The following VPS37A variants were observed in gnomAD, a reference collection of about 807,000 sequenced individuals.
The protein encoded by VPS37A is vacuolar protein sorting-associated protein 37A.
Under a neutral mutation model 49.8 loss-of-function variants are expected in VPS37A, and 30 were observed. The observed-to-expected ratio is 0.60, with a 90% CI of 0.45 to 0.82. The LOEUF (loss-of-function observed/expected upper bound fraction) is 0.82. Among genes scored for constraint, VPS37A ranks in the 40% least tolerant of loss-of-function variants. VPS37A has a pLI of 0.00. For missense variants in VPS37A, 593 were observed against 464.4 expected, an observed-to-expected ratio of 1.28 and a Z score of -2.55; for synonymous variants, 195 against 160.6, an observed-to-expected ratio of 1.21 and a Z score of -1.62.
chr8:17,247,613 G>GAC (rs1563226523), intron 1 of VPS37A: 10 of 706,402 alleles, frequency 1.4e-5, no homozygotes, highest in Non-Finnish European at 2.6e-6. Flanking sequence ...CATCCCTCCT[G>GAC]ACACATAGCT....
chr8:17,251,237 C>G (rs1183188116), intron 1 of VPS37A, among the ~76,000 whole-genome samples: 3 of 152,118 alleles, frequency 2.0e-5, no homozygotes, highest in African/African-American at 7.2e-5. Flanking sequence ...GAGGGGAAGT[C>G]TGCTGGGGAG....
chr8:17,274,747 C>T lies in VPS37A; in HGVS notation c.431C>T (p.Pro144Leu), dbSNP rs1814346295. 6.2e-7 allele frequency: 1 copy of T among 1,613,616 alleles called. No homozygotes were observed. The highest frequency in any genetic ancestry group is 1.7e-5 in the Admixed American group (1 of 59,984). The part of the protein sequence containing the change: ...STAFPYLYSN[P>L]SGMSPYASQG... ...TTTCTTTTCAGTCTATACAGTAACC[C>T]AAGTGGGATGTCTCCTTATGCTTCT... The change falls in exon 5 of 12, where the codon CCA (proline) becomes CTA (leucine). Residue 144 changes from proline (P) to leucine (L), a missense_variant. Pro to Leu is a moderately conservative substitution (Grantham distance 98). Coordinates refer to ENST00000324849, the MANE Select transcript of VPS37A (RefSeq NM_152415.3).
At chr8:17,307,441 CTG>C in the VPS37A span, among the ~76,000 whole-genome samples, 1 of 152,094 alleles carries the variant, frequency 6.6e-6, no homozygotes, top group Non-Finnish European at 1.5e-5. Context: ...GTTGGTGGGA[CTG>C]TAAACTAGTT....
At chr8:17,311,387 T>C in the VPS37A span, 4 of 1,274,740 alleles carry the variant, frequency 3.1e-6, no homozygotes, top group Non-Finnish European at 4.4e-6. Context: ...CCCTTTAATC[T>C]TGCTGAGCTA....
At chr8:17,260,338 A>G (rs901415234) in intron 1 of VPS37A, among the ~76,000 whole-genome samples, 1 of 152,200 alleles carries the variant, frequency 6.6e-6, no homozygotes, top group Non-Finnish European at 1.5e-5. Flanking sequence ...AAAAATATTT[A>G]TGCCTTAATT....
chr8:17,290,556 A>T (rs1816045962), intron 11 of VPS37A, among the ~76,000 whole-genome samples: 1 of 152,122 alleles, frequency 6.6e-6, no homozygotes, highest in Non-Finnish European at 1.5e-5. Flanking sequence ...TAAGCTTTTT[A>T]ATGCGCTGCT....
chr8:17,264,667 A>T (rs1813281228), intron 1 of VPS37A, among the ~76,000 whole-genome samples: 1 of 152,306 alleles, frequency 6.6e-6, no homozygotes, highest in Non-Finnish European at 1.5e-5. Flanking sequence ...GAGGTTTTAT[A>T]AAGCTGTTAG....
At chr8:17,304,375 A>G (rs771293102), downstream of VPS37A, 2 of 1,610,124 alleles carry the variant, frequency 1.2e-6, no homozygotes, top group South Asian at 2.2e-5. Context: ...AAGGATTTAC[A>G]TACTTGTACA....
intron 1 of VPS37A, among the ~76,000 whole-genome samples, chr8:17,257,194 G>A (rs527480700): frequency 3.3e-5 from 5 of 151,978 alleles, no homozygotes; most frequent in Non-Finnish European, 5.9e-5. Context: ...TCCTTTCTCC[G>A]TTGTATGTTC....
intron 1 of VPS37A, among the ~76,000 whole-genome samples, chr8:17,262,548 T>C (rs1033162773): frequency 3.3e-5 from 5 of 151,392 alleles, no homozygotes; most frequent in Admixed American, 6.6e-5. Context: ...TCTCTTGTGG[T>C]GTGATTAAAA....
Position 17,274,947 on chromosome 8 carries a change from G to A in VPS37A, c.631G>A (p.Ala211Thr). ...NLPLPIPTVD[A>T]SIPTSQNGFG... ...GCCATTACCCATTCCCACAGTGGAT[G>A]CTTCAATACCGGTTGGTATCGTCAG... The change falls in exon 5 of 12, where the codon GCT becomes ACT. Residue 211 changes from alanine to threonine, a missense_variant. Coordinates refer to ENST00000324849, the MANE Select transcript of VPS37A (RefSeq NM_152415.3). 3.7e-6 allele frequency: 6 copies of A among 1,614,012 alleles called. No homozygotes were observed. Among genetic ancestry groups the A allele is most frequent in the Non-Finnish European group, 5.1e-6 (6 of 1,179,906 alleles).
rs374763959 is a variant in VPS37A at position 17,267,127 on chromosome 8, T to C, written c.201-1131T>C. On this transcript the variant is annotated intron_variant, in intron 2 of 11. Transcript: ENST00000324849. ...ACAGAAACACGGTTAGTAAGTAGCA[T>C]AGTCAAGATACAAACTGGGCTCCAA... is the stretch of plus-strand genomic sequence containing the variant. 2.1e-4 allele frequency among the ~76,000 whole-genome samples: 32 copies of C among 152,288 alleles called. No individual in the cohort carries two copies. The South Asian group carries it at 6.2e-3, about 30-fold the overall frequency.
intron 1 of VPS37A, among the ~76,000 whole-genome samples, chr8:17,250,843 T>C (rs1211901376): frequency 6.6e-6 from 1 of 152,184 alleles, no homozygotes; most frequent in African/African-American, 2.4e-5. Context: ...GAGATAACTG[T>C]CATAGATGAC....
At position 17,296,764 on chromosome 8, in the gene VPS37A, G is replaced by C. The variant is rs369945256; in HGVS notation, c.*1778G>C. ...GAAAAAAAAGAAACATTTTCTTACA[G>C]AGTAAAAATGTTCTACATAATCACA... On this transcript the variant is annotated 3_prime_UTR_variant, in exon 12 of 12. Transcript: ENST00000324849. 6.6e-6 allele frequency: 1 copy of C among 152,140 alleles called. No individual in the cohort carries two copies. The highest frequency in any genetic ancestry group is 1.9e-4 in the East Asian group (1 of 5,198). 9.4% of individuals were successfully genotyped at this position (152,140 alleles called of 1,614,324 possible). A position where few individuals can be genotyped will look rare whatever the true frequency, so the allele number is the denominator to read the frequency against.
the VPS37A span, among the ~76,000 whole-genome samples, chr8:17,307,780 G>T: frequency 6.6e-6 from 1 of 151,468 alleles, no homozygotes; most frequent in Non-Finnish European, 1.5e-5. Flanking sequence ...GCAAACTATC[G>T]CAAGGACAAA....
chr8:17,286,299 G>A (rs1815579012), intron 10 of VPS37A, 48 bp from the exon 11 acceptor site: 4 of 1,454,348 alleles, frequency 2.8e-6, no homozygotes, highest in Non-Finnish European at 2.9e-6. Flanking sequence ...AAAGTAGTAG[G>A]CATATCTTTG....
chr8:17,276,999 C>G lies in VPS37A; in HGVS notation c.713+532C>G, dbSNP rs575039609. ...ATGAAGAAAATGGTTTTTTGCCATT[C>G]AGTTTTGGGAAGCACTGCACCCTTT... On this transcript the variant is annotated intron_variant, in intron 6 of 11. Coordinates refer to ENST00000324849, the MANE Select transcript of VPS37A (RefSeq NM_152415.3). 2.0e-5 allele frequency among the ~76,000 whole-genome samples: 3 copies of G among 152,036 alleles called. No homozygotes were observed. In the South Asian group the frequency reaches 6.2e-4, roughly 32 times the overall value.
the VPS37A span, among the ~76,000 whole-genome samples, chr8:17,331,502 A>G: frequency 7.2e-4 from 109 of 152,296 alleles, 1 homozygote; most frequent in African/African-American, 2.1e-3. Flanking sequence ...TGTGGGTCAC[A>G]TTTTCTTAGC....
intron 2 of VPS37A, among the ~76,000 whole-genome samples, chr8:17,267,793 C>G (rs1813607617): frequency 1.3e-5 from 2 of 152,284 alleles, no homozygotes; most frequent in South Asian, 2.1e-4. Flanking sequence ...TCCCAAGTAA[C>G]TGGGACTACA....
Sources: allele counts gnomAD v4.1 joint callset (sites outside exome capture counted in the v4.1 genomes callset), GRCh38; gene constraint gnomAD v4.1.1; transcripts MANE v1.5; gene names NCBI Gene and HGNC (gene_info 2026-07-23, HGNC 2026-07-21).